Variants in MBP observed in about 807,000 individuals in gnomAD.
MBP encodes myelin basic protein.
MBP carries 16 observed loss-of-function variants against 35.8 expected under a neutral mutation model. The ratio of observed to expected loss-of-function variants is 0.45; its 90% CI spans 0.30 to 0.68. The LOEUF (loss-of-function observed/expected upper bound fraction) is 0.68, where lower values mean the gene tolerates loss of function less well. Ranked by LOEUF, MBP falls within the 30% of genes least tolerant of loss-of-function variation. The pLI, the probability that MBP is intolerant of heterozygous loss-of-function variation, is 0.08. For synonymous variants in MBP, 143 were observed against 159.6 expected (o/e 0.90, Z 0.78); for missense variants, 380 against 404.7 (o/e 0.94, Z 0.52).
intron 2 of MBP, 127 bp from the exon 3 acceptor site, chr18:77,066,512 T>G: frequency 1.3e-6 from 1 of 789,034 alleles, no homozygotes; most frequent in Non-Finnish European, 2.3e-6. Context: ...GTTTTCAAGA[T>G]AGAATATAGA....
intron 4 of MBP, chr18:77,006,753 C>T (rs969215522): frequency 5.3e-5 from 8 of 152,002 alleles, no homozygotes; most frequent in African/African-American, 7.3e-5. Flanking sequence ...TCAGGGAGCT[C>T]GGAGCAGGGT....
chr18:77,120,844 A>G (rs956225063), intron 1 of MBP, among the ~76,000 whole-genome samples: 1 of 152,246 alleles, frequency 6.6e-6, no homozygotes, highest in African/African-American at 2.4e-5. Context: ...TCTTCTACAC[A>G]TGTTGTAAAA....
intron 1 of MBP, among the ~76,000 whole-genome samples, chr18:77,112,169 G>GCACACACACA (rs6146398): frequency 0.024 from 3,608 of 150,968 alleles, 67 homozygotes; most frequent in African/African-American, 0.038. Context: ...CCGTGCACAC[G>GCACACACACA]CACACACACA....
At chr18:77,122,272 A>C (rs1976907286) in intron 1 of MBP, among the ~76,000 whole-genome samples, 1 of 152,242 alleles carries the variant, frequency 6.6e-6, no homozygotes, top group Admixed American at 6.5e-5. Context: ...AAATGCTACC[A>C]AAACTGGAGA....
intron 1 of MBP, among the ~76,000 whole-genome samples, chr18:77,126,049 T>A (rs1441297941): frequency 6.6e-6 from 1 of 152,138 alleles, no homozygotes; most frequent in Non-Finnish European, 1.5e-5. Flanking sequence ...TTAGAACAAG[T>A]GGGAACACTT....
At chr18:77,056,320 A>G (rs974015388) in intron 3 of MBP, among the ~76,000 whole-genome samples, 1 of 152,230 alleles carries the variant, frequency 6.6e-6, no homozygotes, top group Non-Finnish European at 1.5e-5. Flanking sequence ...AACCTTGAAC[A>G]GGTTTTGTAG....
intron 2 of MBP, among the ~76,000 whole-genome samples, chr18:77,073,523 A>T (rs1038831944): frequency 2.0e-5 from 3 of 152,238 alleles, no homozygotes; most frequent in Non-Finnish European, 4.4e-5. Flanking sequence ...GTTGAGTGGC[A>T]GGAGAGGAAT....
chr18:77,050,855 TA>T (rs1281815670), intron 3 of MBP, among the ~76,000 whole-genome samples: 7 of 152,156 alleles, frequency 4.6e-5, no homozygotes, highest in Admixed American at 4.6e-4. Context: ...CCTATTACCT[TA>T]GTATTAAGGA....
At position 77,118,612 on chromosome 18, in the gene MBP, CCACA is replaced by C. The variant is rs71174609; in HGVS notation, c.-25-13330_-25-13327del. On this transcript the variant is annotated intron_variant, in intron 1 of 8. Coordinates refer to ENST00000355994, the MANE Select transcript of MBP (RefSeq NM_001025101.2). ...CACCCACACACACACTCCACAGACA[CCACA>C]CACACACACACACACACACACACTA... Among the ~76,000 whole-genome samples, 585 of 134,256 alleles carry C rather than the reference CCACA, an allele frequency of 4.4e-3. 3 individuals are homozygous for C. The highest frequency in any genetic ancestry group is 0.013 in the African/African-American group (443 of 34,904). The allele number at this position is 134,256 out of a possible 152,430, so 88.1% of individuals were successfully genotyped here. A position where few individuals can be genotyped will look rare whatever the true frequency, so the allele number is the denominator to read the frequency against.
intron 4 of MBP, among the ~76,000 whole-genome samples, chr18:76,997,838 C>A (rs1007342898): frequency 3.3e-5 from 5 of 152,142 alleles, no homozygotes; most frequent in Admixed American, 6.5e-5. Context: ...TCCGCCACCA[C>A]GCCCGGCTGA....
chr18:77,120,737 C>T (rs1599279193), intron 1 of MBP, among the ~76,000 whole-genome samples: 1 of 152,104 alleles, frequency 6.6e-6, no homozygotes, highest in African/African-American at 2.4e-5. Context: ...TTGGAGCTGT[C>T]CTCTGAGCAC....
At chr18:77,124,527 G>A (rs558123195) in intron 1 of MBP, among the ~76,000 whole-genome samples, 116 of 152,176 alleles carry the variant, frequency 7.6e-4, no homozygotes, top group African/African-American at 2.7e-3. Flanking sequence ...TGCACCCCCG[G>A]AAGTGGGGGT....
chr18:76,993,102 C>T (rs1048089088), intron 4 of MBP, among the ~76,000 whole-genome samples: 4 of 152,228 alleles, frequency 2.6e-5, no homozygotes, highest in South Asian at 4.1e-4. Context: ...CACAGCAGGG[C>T]GTAACCATGA....
chr18:77,057,185 A>G (rs1432871778), intron 3 of MBP, among the ~76,000 whole-genome samples: 2 of 152,206 alleles, frequency 1.3e-5, no homozygotes, highest in African/African-American at 4.8e-5. Context: ...TTGTTTTCAC[A>G]TCTGTCAGAC....
At chr18:77,082,441 T>C (rs1164248457) in intron 2 of MBP, among the ~76,000 whole-genome samples, 1 of 152,136 alleles carries the variant, frequency 6.6e-6, no homozygotes, top group Non-Finnish European at 1.5e-5. Context: ...TATCTTGGGT[T>C]GGGGAATAGG....
In MBP at chr18:77,017,063, G is replaced by T; in HGVS notation, c.345C>A (p.Asp115Glu). ...NTFKDRPSES[D>E]ELQTIQEDSA... ...TGTCTTCTTGGATGGTCTGGAGCTC[G>T]TCGGACTCAGAGGGCCTGTCTTTGA... The change falls in exon 4 of 9, where the codon GAC (aspartate) becomes GAA (glutamate). Residue 115 changes from aspartate to glutamate, a missense_variant. By Grantham distance (45) the Asp-to-Glu change is conservative (BLOSUM62 2). Transcript: ENST00000355994. 6.2e-7 allele frequency: 1 copy of T among 1,612,932 alleles called. No homozygotes were observed. Among genetic ancestry groups the T allele is most frequent in the Non-Finnish European group, 8.5e-7 (1 of 1,179,046 alleles).
rs146919541 is a variant in MBP at position 77,091,105 on chromosome 18, C to T, written c.51+14106G>A. Among the ~76,000 whole-genome samples the T allele has an allele frequency of 3.6e-3, 547 of 152,286 alleles. 4 individuals are homozygous for T. Among genetic ancestry groups the T allele is most frequent in the Middle Eastern group, 0.014 (4 of 294 alleles). ...AAACAACATACAAGCTAGCCCTTTA[C>T]GTGAACATTTCTAGACACTGGTGTT... On this transcript the variant is annotated intron_variant, in intron 2 of 8. Coordinates refer to ENST00000355994, the MANE Select transcript of MBP (RefSeq NM_001025101.2).
At chr18:76,990,879 G>T (rs991799120) in intron 4 of MBP, 12 of 302,392 alleles carry the variant, frequency 4.0e-5, no homozygotes, top group Non-Finnish European at 7.5e-5. Flanking sequence ...ACTTGCTGGG[G>T]AGAGATTTCT....
chr18:77,021,147 C>A (rs1430052332), intron 3 of MBP, among the ~76,000 whole-genome samples: 2 of 152,168 alleles, frequency 1.3e-5, no homozygotes, highest in Non-Finnish European at 1.5e-5. Context: ...GTAGGAGCAG[C>A]CTCTCGGGTG....
Sources: gnomAD v4.1 joint callset for allele counts (sites outside exome capture counted in the v4.1 genomes callset) on GRCh38, gnomAD v4.1.1 for gene constraint, MANE v1.5 for transcripts, NCBI Gene and HGNC (gene_info 2026-07-23, HGNC 2026-07-21) for gene names.